KCNT2: variants seen among roughly 807,000 people sequenced by gnomAD.
The protein encoded by KCNT2 is potassium channel subfamily T member 2.
KCNT2 carries 67 observed loss-of-function variants against 153.8 expected under a neutral mutation model. That is an observed-to-expected ratio of 0.44 (90% confidence interval 0.36 to 0.53). KCNT2 has a LOEUF of 0.53. Among genes scored for constraint, KCNT2 ranks in the 20% least tolerant of loss-of-function variants. KCNT2 has a pLI of 0.00. For missense variants in KCNT2, 975 were observed against 1,354.8 expected, an observed-to-expected ratio of 0.72 and a Z score of 4.40; for synonymous variants, 500 against 458.8, an observed-to-expected ratio of 1.09 and a Z score of -1.15.
intron 1 of KCNT2, among the ~76,000 whole-genome samples, chr1:196,532,550 A>G (rs1655084051): frequency 6.6e-6 from 1 of 151,868 alleles, no homozygotes; most frequent in Admixed American, 6.6e-5. Context: ...TTGAATTTTC[A>G]CACCTAGTTT....
intron 8 of KCNT2, among the ~76,000 whole-genome samples, chr1:196,454,171 T>G (rs1372677317): frequency 6.6e-6 from 1 of 152,024 alleles, no homozygotes; most frequent in Non-Finnish European, 1.5e-5. Flanking sequence ...GAATTTCCAG[T>G]ATAGCAGATA....
intron 26 of KCNT2, among the ~76,000 whole-genome samples, chr1:196,254,583 T>C (rs148581320): frequency 3.4e-4 from 52 of 151,660 alleles, no homozygotes; most frequent in Non-Finnish European, 6.5e-4. Flanking sequence ...GAAAAATATT[T>C]GATTTATTCG....
intron 1 of KCNT2, among the ~76,000 whole-genome samples, chr1:196,519,991 A>G (rs1021257888): frequency 1.3e-5 from 2 of 152,104 alleles, no homozygotes; most frequent in African/African-American, 4.8e-5. Flanking sequence ...GCAGAGGCAC[A>G]ACAACAACAG....
At chr1:196,355,269 C>A (rs1667082146) in intron 14 of KCNT2, among the ~76,000 whole-genome samples, 1 of 150,896 alleles carries the variant, frequency 6.6e-6, no homozygotes, top group Non-Finnish European at 1.5e-5. Flanking sequence ...AATTCCAATT[C>A]TTGAACAGCA....
intron 22 of KCNT2, among the ~76,000 whole-genome samples, chr1:196,293,543 A>G (rs1341604162): frequency 6.6e-6 from 1 of 152,184 alleles, no homozygotes; most frequent in Admixed American, 6.5e-5. Context: ...GTGCCAGGCC[A>G]CACCATGGAG....
chr1:196,493,403 A>G (rs1680008940), intron 1 of KCNT2, among the ~76,000 whole-genome samples: 1 of 152,002 alleles, frequency 6.6e-6, no homozygotes, highest in Non-Finnish European at 1.5e-5. Context: ...AGGAGAAAAA[A>G]AAAACAACTG....
intron 1 of KCNT2, among the ~76,000 whole-genome samples, chr1:196,500,238 G>A (rs1378022541): frequency 7.9e-6 from 1 of 126,450 alleles, no homozygotes; most frequent in Non-Finnish European, 1.6e-5. Context: ...GAGAGAGAGA[G>A]AGAGAAAGAA....
chr1:196,384,117 T>G (rs917615147), intron 13 of KCNT2, among the ~76,000 whole-genome samples: 2 of 152,146 alleles, frequency 1.3e-5, no homozygotes, highest in African/African-American at 4.8e-5. Flanking sequence ...ATAATGCATA[T>G]GTATATCAAA....
intron 1 of KCNT2, among the ~76,000 whole-genome samples, chr1:196,563,472 C>A (rs1250864257): frequency 5.6e-3 from 61 of 10,972 alleles, no homozygotes; most frequent in Non-Finnish European, 0.017. Context: ...AAAAAAAAAA[C>A]TTTTCAAACT....
intron 1 of KCNT2, among the ~76,000 whole-genome samples, chr1:196,512,861 C>T (rs1558027446): frequency 6.6e-6 from 1 of 152,096 alleles, no homozygotes; most frequent in East Asian, 1.9e-4. Flanking sequence ...CTGTGATGTG[C>T]AGTCTTCTAT....
intron 8 of KCNT2, among the ~76,000 whole-genome samples, chr1:196,456,037 T>C (rs1385741812): frequency 2.6e-5 from 4 of 152,074 alleles, no homozygotes; most frequent in African/African-American, 4.8e-5. Context: ...GTCCTCACTC[T>C]AGTAACTTTA....
intron 19 of KCNT2, among the ~76,000 whole-genome samples, chr1:196,321,469 C>G (rs1031021460): frequency 4.6e-5 from 7 of 151,948 alleles, no homozygotes; most frequent in African/African-American, 1.7e-4. Flanking sequence ...TAAAAGCTAA[C>G]TGGCCATCAA....
At chr1:196,476,314 A>T (rs994240124) in intron 5 of KCNT2, among the ~76,000 whole-genome samples, 1 of 152,176 alleles carries the variant, frequency 6.6e-6, no homozygotes, top group South Asian at 2.1e-4. Context: ...AACATTTATC[A>T]TATATATGTA....
chr1:196,312,579 T>TA (rs1465123779), intron 21 of KCNT2, among the ~76,000 whole-genome samples: 2 of 151,812 alleles, frequency 1.3e-5, no homozygotes, highest in East Asian at 3.9e-4. Context: ...TTAAGTTAAA[T>TA]ACCAGGTGCA....
chr1:196,300,625 T>C (rs1444146306), intron 22 of KCNT2, among the ~76,000 whole-genome samples: 4 of 152,156 alleles, frequency 2.6e-5, no homozygotes, highest in African/African-American at 9.7e-5. Flanking sequence ...TTTATTACCA[T>C]GATACCCCCT....
At chr1:196,240,194 A>T (rs1454590468) in intron 26 of KCNT2, among the ~76,000 whole-genome samples, 11 of 152,100 alleles carry the variant, frequency 7.2e-5, no homozygotes, top group Admixed American at 2.0e-4. Flanking sequence ...CACTTAGAAC[A>T]AAGGCTCTGA....
At chr1:196,326,670 C>G in intron 19 of KCNT2, 47 bp downstream of exon 19, 1 of 1,115,072 alleles carries the variant, frequency 9.0e-7, no homozygotes, top group Non-Finnish European at 1.2e-6. Flanking sequence ...CATTAACATA[C>G]TATTAAAAAC....
chr1:196,443,949 C>T (rs1250910389), intron 8 of KCNT2, among the ~76,000 whole-genome samples: 2 of 150,884 alleles, frequency 1.3e-5, no homozygotes, highest in African/African-American at 4.9e-5. Context: ...TATAGAATTA[C>T]AGATAATATA....
intron 26 of KCNT2, among the ~76,000 whole-genome samples, chr1:196,253,238 A>G (rs947839280): frequency 6.6e-6 from 1 of 151,158 alleles, no homozygotes; most frequent in African/African-American, 2.4e-5. Context: ...GTGTTCTTCG[A>G]AGTTTTATTT....
Sources: gnomAD v4.1 joint callset for allele counts (sites outside exome capture counted in the v4.1 genomes callset) on GRCh38, gnomAD v4.1.1 for gene constraint, MANE v1.5 for transcripts, NCBI Gene and HGNC (gene_info 2026-07-23, HGNC 2026-07-21) for gene names.